Variants in EXOC4 observed in about 807,000 individuals in gnomAD.
The protein encoded by EXOC4 is SEC8-like 1.
A neutral mutation model predicts 107.2 loss-of-function variants in EXOC4; 71 were observed. The observed-to-expected ratio is 0.66, with a 90% CI of 0.55 to 0.81. The LOEUF (loss-of-function observed/expected upper bound fraction) is 0.81, where lower values mean the gene tolerates loss of function less well. Among genes scored for constraint, EXOC4 ranks in the 30% least tolerant of loss-of-function variants. The probability of loss-of-function intolerance (pLI) is 0.00; values close to 1 mark genes in which losing one functional copy is unlikely to be tolerated. For missense variants in EXOC4, 1,108 were observed against 1,189.6 expected, an observed-to-expected ratio of 0.93 and a Z score of 1.01; for synonymous variants, 456 against 441.2, an observed-to-expected ratio of 1.03 and a Z score of -0.42.
At chr7:133,518,453 T>G in intron 9 of EXOC4, among the ~76,000 whole-genome samples, 1 of 151,920 alleles carries the variant, frequency 6.6e-6, no homozygotes, top group East Asian at 1.9e-4. Flanking sequence ...TAAGGTAGCT[T>G]TAGGTTTCTT....
At chr7:133,929,707 A>G (rs1488259272) in intron 13 of EXOC4, among the ~76,000 whole-genome samples, 1 of 151,954 alleles carries the variant, frequency 6.6e-6, no homozygotes, top group Non-Finnish European at 1.5e-5. Flanking sequence ...TAGTATTTTG[A>G]TTCTAACCCT....
At chr7:134,057,540 T>G (rs781732868) in intron 17 of EXOC4, among the ~76,000 whole-genome samples, 1 of 152,184 alleles carries the variant, frequency 6.6e-6, no homozygotes, top group Non-Finnish European at 1.5e-5. Flanking sequence ...TTTAAGCTCT[T>G]CGAAGGGGAA....
intron 10 of EXOC4, among the ~76,000 whole-genome samples, chr7:133,784,007 A>G (rs1012284888): frequency 1.3e-5 from 2 of 152,214 alleles, no homozygotes; most frequent in Non-Finnish European, 2.9e-5. Context: ...CTCTTAAAGA[A>G]TAGGAATCAT....
chr7:134,031,150 G>A (rs972324385), intron 17 of EXOC4, among the ~76,000 whole-genome samples: 1 of 152,162 alleles, frequency 6.6e-6, no homozygotes, highest in Middle Eastern at 3.2e-3. Flanking sequence ...AAAGGATACA[G>A]GGTTTCTTTT....
chr7:133,366,327 C>T (rs1225791864), intron 6 of EXOC4, among the ~76,000 whole-genome samples: 1 of 152,062 alleles, frequency 6.6e-6, no homozygotes, highest in Non-Finnish European at 1.5e-5. Context: ...TCACTTGGGG[C>T]TGGAAGTTAA....
At chr7:133,857,568 G>A (rs553129969) in intron 11 of EXOC4, among the ~76,000 whole-genome samples, 2 of 149,838 alleles carry the variant, frequency 1.3e-5, no homozygotes, top group African/African-American at 4.9e-5. Context: ...CCCACTGAGG[G>A]CAAGCCAGGC....
chr7:133,391,540 C>T, intron 7 of EXOC4, among the ~76,000 whole-genome samples: 1 of 152,134 alleles, frequency 6.6e-6, no homozygotes, highest in East Asian at 1.9e-4. Context: ...GAGTCCCAAG[C>T]AGAGCATCTG....
At chr7:133,875,972 A>G (rs1798839170) in intron 11 of EXOC4, among the ~76,000 whole-genome samples, 1 of 152,130 alleles carries the variant, frequency 6.6e-6, no homozygotes, top group African/African-American at 2.4e-5. Flanking sequence ...AACAGTATAA[A>G]CTGTTTTGCT....
intron 9 of EXOC4, among the ~76,000 whole-genome samples, chr7:133,614,721 T>C (rs1209232098): frequency 6.8e-6 from 1 of 147,684 alleles, no homozygotes; most frequent in Non-Finnish European, 1.5e-5. Context: ...TGTTCAGATA[T>C]TGTGCATGGC....
At chr7:133,587,921 T>G (rs1801444771) in intron 9 of EXOC4, among the ~76,000 whole-genome samples, 1 of 152,232 alleles carries the variant, frequency 6.6e-6, no homozygotes. Context: ...GCAGGTTTTT[T>G]TTTCCCCTTA....
At chr7:133,571,911 T>C (rs1801031706) in intron 9 of EXOC4, among the ~76,000 whole-genome samples, 1 of 152,180 alleles carries the variant, frequency 6.6e-6, no homozygotes, top group African/African-American at 2.4e-5. Context: ...AGGACCCTCA[T>C]GGCCTAATCA....
intron 7 of EXOC4, among the ~76,000 whole-genome samples, chr7:133,402,300 C>T (rs1797108166): frequency 6.6e-6 from 1 of 152,220 alleles, no homozygotes. Flanking sequence ...TGTTGAGTAA[C>T]TGTTTCAAAC....
At chr7:133,534,143 T>C (rs1800231572) in intron 9 of EXOC4, among the ~76,000 whole-genome samples, 1 of 152,208 alleles carries the variant, frequency 6.6e-6, no homozygotes, top group African/African-American at 2.4e-5. Flanking sequence ...TGCCTTTTGA[T>C]GTTTTGTTTT....
At chr7:134,056,183 T>G (rs1795918274) in intron 17 of EXOC4, among the ~76,000 whole-genome samples, 1 of 152,202 alleles carries the variant, frequency 6.6e-6, no homozygotes, top group South Asian at 2.1e-4. Context: ...ATTAGATAAA[T>G]TGTCTTTAAA....
chr7:133,401,474 A>G (rs991385476), intron 7 of EXOC4, among the ~76,000 whole-genome samples: 9 of 151,956 alleles, frequency 5.9e-5, no homozygotes, highest in African/African-American at 1.9e-4. Flanking sequence ...CAGCCTGTGC[A>G]ATATACTGAG....
intron 12 of EXOC4, among the ~76,000 whole-genome samples, chr7:133,897,574 A>C (rs1799348678): frequency 2.0e-5 from 3 of 152,172 alleles, no homozygotes; most frequent in Admixed American, 2.0e-4. Flanking sequence ...GAAATGAAAT[A>C]GAAATAATAA....
intron 12 of EXOC4, among the ~76,000 whole-genome samples, chr7:133,896,665 T>C (rs941576061): frequency 6.7e-6 from 1 of 150,046 alleles, no homozygotes; most frequent in Non-Finnish European, 1.5e-5. Flanking sequence ...TTTATTTATT[T>C]ATTTATTCAT....
chr7:133,519,491 A>G (rs983853751), intron 9 of EXOC4, among the ~76,000 whole-genome samples: 2 of 152,210 alleles, frequency 1.3e-5, no homozygotes, highest in African/African-American at 4.8e-5. Flanking sequence ...AAAATACATC[A>G]TAAATAAAAT....
chr7:133,863,455 A>T (rs1798575432), intron 11 of EXOC4, among the ~76,000 whole-genome samples: 1 of 152,196 alleles, frequency 6.6e-6, no homozygotes, highest in South Asian at 2.1e-4. Context: ...GTAACCATAT[A>T]CTGTGGTATT....
Sources: allele counts gnomAD v4.1 joint callset (sites outside exome capture counted in the v4.1 genomes callset), GRCh38; gene constraint gnomAD v4.1.1; transcripts MANE v1.5; gene names NCBI Gene and HGNC (gene_info 2026-07-23, HGNC 2026-07-21).